The following STK32B variants were observed in gnomAD, a reference collection of about 807,000 sequenced individuals.
STK32B encodes serine/threonine kinase 32B, also known as serine/threonine-protein kinase 32B.
STK32B carries 43 observed loss-of-function variants against 52.6 expected under a neutral mutation model. The ratio of observed to expected loss-of-function variants is 0.82; its 90% CI spans 0.64 to 1.05. STK32B has a LOEUF of 1.05. Among genes scored for constraint, STK32B ranks in the 50% least tolerant of loss-of-function variants. The pLI, the probability that STK32B is intolerant of heterozygous loss-of-function variation, is 0.00. For missense variants in STK32B, 621 were observed against 534.6 expected, an observed-to-expected ratio of 1.16 and a Z score of -1.59; for synonymous variants, 238 against 204.3, an observed-to-expected ratio of 1.17 and a Z score of -1.41.
chr4:5,440,568 T>C (rs1315768539), intron 6 of STK32B, among the ~76,000 whole-genome samples: 2 of 152,154 alleles, frequency 1.3e-5, no homozygotes, highest in East Asian at 1.9e-4. Context: ...AATTTGTCTT[T>C]CTCTTTTCCT....
intron 2 of STK32B, among the ~76,000 whole-genome samples, chr4:5,149,249 A>G (rs562889928): frequency 4.0e-5 from 6 of 151,710 alleles, no homozygotes; most frequent in African/African-American, 1.4e-4. Flanking sequence ...TAATTTCTTG[A>G]GGACAGCGTA....
chr4:5,246,361 G>T (rs548368170), intron 3 of STK32B, among the ~76,000 whole-genome samples: 6 of 152,020 alleles, frequency 3.9e-5, no homozygotes, highest in African/African-American at 7.3e-5. Flanking sequence ...CCAGTTGATC[G>T]CATTGGTTAC....
At chr4:5,384,049 C>T (rs950264752) in intron 4 of STK32B, among the ~76,000 whole-genome samples, 4 of 152,228 alleles carry the variant, frequency 2.6e-5, no homozygotes, top group Admixed American at 1.3e-4. Flanking sequence ...AGGGAATGGG[C>T]CTTCCAGGCC....
intron 1 of STK32B, among the ~76,000 whole-genome samples, chr4:5,080,957 C>T (rs763809946): frequency 2.0e-5 from 3 of 152,132 alleles, no homozygotes; most frequent in Non-Finnish European, 4.4e-5. Context: ...CCTATATTCC[C>T]CAGCCCCCAA....
intron 1 of STK32B, among the ~76,000 whole-genome samples, chr4:5,083,647 T>A (rs551271840): frequency 6.6e-6 from 1 of 152,296 alleles, no homozygotes; most frequent in African/African-American, 2.4e-5. Context: ...AAGTAATAAT[T>A]GGGCCACTGT....
chr4:5,090,503 G>A (rs1310366722), intron 1 of STK32B, among the ~76,000 whole-genome samples: 1 of 151,372 alleles, frequency 6.6e-6, no homozygotes, highest in Non-Finnish European at 1.5e-5. Flanking sequence ...AGCCTCCTGA[G>A]TAGCTGGGAC....
intron 11 of STK32B, among the ~76,000 whole-genome samples, chr4:5,498,132 A>G (rs1199430665): frequency 6.6e-6 from 1 of 152,198 alleles, no homozygotes; most frequent in Non-Finnish European, 1.5e-5. Flanking sequence ...GAGAGCCAGG[A>G]TGTGAGTTGA....
chr4:5,498,934 C>CTTGT lies in STK32B; in HGVS notation c.1107-7_1107-4dup. 1 of 1,610,282 alleles carries CTTGT rather than the reference C, an allele frequency of 6.2e-7. No individual in the cohort carries two copies. The highest frequency in any genetic ancestry group is 1.3e-5 in the African/African-American group (1 of 74,952). On this transcript the variant is annotated splice_polypyrimidine_tract_variant and intron_variant, in intron 11 of 11. Transcript: ENST00000282908. ...GCCGCACCACTAACTCAGATCTGTG[C>CTTGT]TTGTTTGCAGGCTCAGGAGGCAGCA... is the stretch of plus-strand genomic sequence containing the variant.
At chr4:5,061,725 A>G (rs557058399) in intron 1 of STK32B, among the ~76,000 whole-genome samples, 1 of 152,298 alleles carries the variant, frequency 6.6e-6, no homozygotes, top group Admixed American at 6.5e-5. Context: ...TTTCACACTT[A>G]CTGCTAGAAT....
intron 11 of STK32B, among the ~76,000 whole-genome samples, chr4:5,471,842 C>G (rs1449430939): frequency 1.3e-5 from 2 of 152,172 alleles, no homozygotes; most frequent in East Asian, 3.9e-4. Flanking sequence ...CTCCCTTGCC[C>G]TTAGGGGTTC....
In STK32B at chr4:5,331,352, A is replaced by G. The variant is rs753418569; in HGVS notation, c.393A>G (p.Ala131=). The G allele has an allele frequency of 1.4e-5, 22 of 1,613,822 alleles. No homozygotes were observed. The South Asian group carries it at 2.2e-4, about 16-fold the overall frequency. The change falls in exon 4 of 12, where the codon GCA becomes GCG. Residue 131 remains alanine, a synonymous_variant. Transcript: ENST00000282908. ...TGAAACTCTACATCTGTGAGCTGGC[A>G]CTGGCCCTGGAGTATCTTCAGAGGT... ...GTVKLYICEL[A]LALEYLQRYH... is the part of the protein sequence containing the mutation.
rs147737476 is a variant in STK32B at position 5,398,446 on chromosome 4, T to C, written c.472+202T>C. 6.6e-6 allele frequency among the ~76,000 whole-genome samples: 1 copy of C among 152,306 alleles called. No homozygotes were observed. The highest frequency in any genetic ancestry group is 1.5e-5 in the Non-Finnish European group (1 of 68,014). On this transcript the variant is annotated intron_variant, in intron 5 of 11. Coordinates refer to ENST00000282908, the MANE Select transcript of STK32B (RefSeq NM_018401.3). This position sits in a 1 kb window ranked among gnomAD's most constrained non-coding sequence, Gnocchi z 4.9. ...CCGTGGTAAGTTGAATCAAAGTTAT[T>C]TAAACTGTTCGCATCTGAAGTCATT...
At chr4:5,291,234 G>C (rs1253901511) in intron 3 of STK32B, among the ~76,000 whole-genome samples, 1 of 152,092 alleles carries the variant, frequency 6.6e-6, no homozygotes, top group Non-Finnish European at 1.5e-5. Flanking sequence ...AAATAATTGT[G>C]TTGAATCTGT....
chr4:5,406,376 G>T (rs1402696708), intron 5 of STK32B, among the ~76,000 whole-genome samples: 1 of 152,108 alleles, frequency 6.6e-6, no homozygotes, highest in Non-Finnish European at 1.5e-5. Context: ...CCATTCTGGG[G>T]GTTGGATAAT....
intron 2 of STK32B, among the ~76,000 whole-genome samples, chr4:5,164,205 G>A (rs1336647708): frequency 6.6e-6 from 1 of 152,186 alleles, no homozygotes; most frequent in Non-Finnish European, 1.5e-5. Context: ...GCTGTGGGCA[G>A]GGTAGATTCC....
chr4:5,489,132 TATTA>T lies in STK32B; in HGVS notation c.1107-9807_1107-9804del, dbSNP rs768944440. Among the ~76,000 whole-genome samples, 20 of 152,314 alleles carry T rather than the reference TATTA, an allele frequency of 1.3e-4. 1 individual carries two copies. Among genetic ancestry groups the T allele is most frequent in the Middle Eastern group, 3.4e-3 (1 of 294 alleles). ...ATGACCCAGACATTTAATGAGTACC[TATTA>T]ATTAAACATAACCTTAAGATTTCAA... On this transcript the variant is annotated intron_variant, in intron 11 of 11. Transcript: ENST00000282908.
chr4:5,426,644 C>T (rs4689220), intron 6 of STK32B, among the ~76,000 whole-genome samples: 21,434 of 136,286 alleles, frequency 0.16, 2,064 homozygotes, highest in East Asian at 0.43. Context: ...GAGCCAAGAT[C>T]GCATCACTGC....
chr4:5,159,937 G>A (rs149775188), intron 2 of STK32B, among the ~76,000 whole-genome samples: 128 of 151,964 alleles, frequency 8.4e-4, no homozygotes, highest in Non-Finnish European at 1.4e-3. Context: ...TCTGAAGGGC[G>A]TCTGCCGCAG....
intron 4 of STK32B, among the ~76,000 whole-genome samples, chr4:5,353,079 A>G (rs1733940658): frequency 6.6e-6 from 1 of 152,162 alleles, no homozygotes; most frequent in African/African-American, 2.4e-5. Context: ...ATGGGAAAAA[A>G]ATAGAAAATA....
Sources: allele counts gnomAD v4.1 joint callset (sites outside exome capture counted in the v4.1 genomes callset), GRCh38; gene constraint gnomAD v4.1.1; non-coding constraint Gnocchi (gnomAD v3.1); transcripts MANE v1.5; gene names NCBI Gene and HGNC (gene_info 2026-07-23, HGNC 2026-07-21).